The following CHSY3 variants were observed in gnomAD, a reference collection of about 807,000 sequenced individuals.
CHSY3 encodes the protein chondroitin sulfate synthase 3.
Under a neutral mutation model 67.2 loss-of-function variants are expected in CHSY3, and 35 were observed. The ratio of observed to expected loss-of-function variants is 0.52; its 90% CI spans 0.40 to 0.69. The LOEUF is 0.69. CHSY3 is among the 30% of genes least tolerant of loss of function. The probability of loss-of-function intolerance (pLI) is 0.00; values close to 1 mark genes in which losing one functional copy is unlikely to be tolerated. For synonymous variants in CHSY3, 474 were observed against 434.7 expected (o/e 1.09, Z -1.12); for missense variants, 1,069 against 1,138.5 (o/e 0.94, Z 0.88).
chr5:130,058,789 G>A (rs986128878), intron 2 of CHSY3, among the ~76,000 whole-genome samples: 5 of 152,236 alleles, frequency 3.3e-5, no homozygotes, highest in South Asian at 2.1e-4. Flanking sequence ...GAGGCCAGAC[G>A]TCTGAAAGCA....
chr5:130,166,538 C>CTTTAAAAAGTCAAGGCT (rs1769753692), intron 2 of CHSY3, among the ~76,000 whole-genome samples: 1 of 152,092 alleles, frequency 6.6e-6, no homozygotes, highest in African/African-American at 2.4e-5. Flanking sequence ...GAAAACTTGA[C>CTTTAAAAAGTCAAGGCT]TTTAAAAAGA....
At chr5:130,020,461 A>ATATATATATATTT (rs1371121130) in intron 2 of CHSY3, among the ~76,000 whole-genome samples, 10 of 79,880 alleles carry the variant, frequency 1.3e-4, no homozygotes, top group African/African-American at 3.0e-4. Context: ...ATATATATAT[A>ATATATATATATTT]TTTTTTTTTT....
chr5:130,126,744 A>G (rs1258474482), intron 2 of CHSY3, among the ~76,000 whole-genome samples: 2 of 152,236 alleles, frequency 1.3e-5, no homozygotes, highest in African/African-American at 4.8e-5. Flanking sequence ...TAGTGGTAGC[A>G]TGACTATATA....
intron 2 of CHSY3, among the ~76,000 whole-genome samples, chr5:129,923,239 T>G (rs1436925549): frequency 1.3e-5 from 2 of 151,998 alleles, no homozygotes; most frequent in African/African-American, 2.4e-5. Context: ...AGGTTTGGAT[T>G]TGGATGATAA....
intron 2 of CHSY3, among the ~76,000 whole-genome samples, chr5:129,963,345 A>G (rs2149608975): frequency 6.6e-6 from 1 of 152,160 alleles, no homozygotes; most frequent in South Asian, 2.1e-4. Context: ...TTCTTTTTGT[A>G]TAAATGAAAA....
At chr5:130,147,894 T>G (rs1050766185) in intron 2 of CHSY3, among the ~76,000 whole-genome samples, 1 of 152,258 alleles carries the variant, frequency 6.6e-6, no homozygotes, top group Admixed American at 6.5e-5. Flanking sequence ...CATGTGCAGG[T>G]TTGTTACACA....
In CHSY3 at chr5:130,185,765, G is replaced by A. The variant is rs1317210421; in HGVS notation, c.2623G>A (p.Val875Ile). Reference sequence around the variant, plus strand: ...ACTCTGGCTTGAAAAACATTTAGGTGTCAGGTACAATCGAACTCTCTCCTG... The same window carrying A: ...ACTCTGGCTTGAAAAACATTTAGGTATCAGGTACAATCGAACTCTCTCCTG... ...AELWLEKHLG[V>I]RYNRTLS Residue 875 changes from valine (V) to isoleucine (I), a missense_variant, in exon 3 of 3, where the codon GTC becomes ATC. Physicochemically the swap from Val to Ile is conservative, Grantham distance 29. Around this residue, in one of 5 missense-constraint regions of CHSY3, gnomAD observed 139 missense variants for 152.8 expected, o/e 0.91. Coordinates refer to ENST00000305031, the MANE Select transcript of CHSY3 (RefSeq NM_175856.5). 5.0e-6 allele frequency: 8 copies of A among 1,605,572 alleles called. No individual in the cohort carries two copies. Among genetic ancestry groups the A allele is most frequent in the East Asian group, 4.5e-5 (2 of 44,720 alleles).
At chr5:130,090,062 C>G (rs59090746) in intron 2 of CHSY3, among the ~76,000 whole-genome samples, 1 of 152,022 alleles carries the variant, frequency 6.6e-6, no homozygotes, top group Non-Finnish European at 1.5e-5. Context: ...ATAGTTCCCG[C>G]GGCTTGCCTT....
intron 2 of CHSY3, among the ~76,000 whole-genome samples, chr5:130,133,700 A>G (rs960354210): frequency 1.8e-4 from 26 of 142,490 alleles, no homozygotes; most frequent in Non-Finnish European, 1.7e-4. Flanking sequence ...TGAACCCAGG[A>G]GGCGGAGGTT....
chr5:130,014,976 A>T, intron 2 of CHSY3, among the ~76,000 whole-genome samples: 1 of 152,212 alleles, frequency 6.6e-6, no homozygotes, highest in African/African-American at 2.4e-5. Context: ...AAGGTCAAAT[A>T]TCTATAATAT....
At chr5:130,096,482 T>G (rs780248392) in intron 2 of CHSY3, among the ~76,000 whole-genome samples, 72 of 152,318 alleles carry the variant, frequency 4.7e-4, no homozygotes, top group Non-Finnish European at 9.1e-4. Flanking sequence ...GTTAGTAGTA[T>G]TGTATCAAAG....
chr5:129,983,449 T>C (rs148562060), intron 2 of CHSY3, among the ~76,000 whole-genome samples: 1 of 152,260 alleles, frequency 6.6e-6, no homozygotes, highest in African/African-American at 2.4e-5. Context: ...TGAAATAAAA[T>C]GTTTATAATG....
chr5:129,935,290 T>A (rs1235788918), intron 2 of CHSY3, among the ~76,000 whole-genome samples: 1 of 152,160 alleles, frequency 6.6e-6, no homozygotes, highest in Non-Finnish European at 1.5e-5. Flanking sequence ...ATACGTGAAA[T>A]ATGAAATAAG....
intron 2 of CHSY3, among the ~76,000 whole-genome samples, chr5:130,052,534 TA>T (rs1424057026): frequency 6.6e-6 from 1 of 152,216 alleles, no homozygotes; most frequent in Non-Finnish European, 1.5e-5. Context: ...AATTTTTTTT[TA>T]TTTTGTGAAC....
At chr5:129,920,667 T>C (rs1186743619) in intron 2 of CHSY3, among the ~76,000 whole-genome samples, 2 of 152,244 alleles carry the variant, frequency 1.3e-5, no homozygotes, top group African/African-American at 2.4e-5. Flanking sequence ...CCTTCTGTTA[T>C]AACTAAGCAC....
intron 2 of CHSY3, among the ~76,000 whole-genome samples, chr5:130,107,814 A>T (rs890070047): frequency 6.6e-6 from 1 of 151,352 alleles, no homozygotes; most frequent in Non-Finnish European, 1.5e-5. Context: ...TATCCTCTCC[A>T]CCCTGCCCCA....
intron 2 of CHSY3, among the ~76,000 whole-genome samples, chr5:129,980,559 A>G (rs1762951825): frequency 6.6e-6 from 1 of 152,208 alleles, no homozygotes; most frequent in Non-Finnish European, 1.5e-5. Context: ...TTCTCCCAGT[A>G]TGTGACTTGT....
intron 2 of CHSY3, among the ~76,000 whole-genome samples, chr5:130,119,428 C>A (rs894652564): frequency 6.6e-6 from 1 of 152,146 alleles, no homozygotes; most frequent in Non-Finnish European, 1.5e-5. Context: ...CTAACTGTTT[C>A]TTTGTATGCT....
intron 2 of CHSY3, among the ~76,000 whole-genome samples, chr5:130,111,628 G>C (rs1767593963): frequency 6.6e-6 from 1 of 152,060 alleles, no homozygotes; most frequent in African/African-American, 2.4e-5. Context: ...TAATTGCCTA[G>C]AGTGTATTTA....
Sources: allele counts gnomAD v4.1 joint callset (sites outside exome capture counted in the v4.1 genomes callset), GRCh38; gene constraint gnomAD v4.1.1; regional missense constraint gnomAD v4.1.1; transcripts MANE v1.5; gene names NCBI Gene and HGNC (gene_info 2026-07-23, HGNC 2026-07-21).